LRBA: variants seen among roughly 807,000 people sequenced by gnomAD.
LRBA encodes lipopolysaccharide-responsive and beige-like anchor protein.
In LRBA, 176 loss-of-function variants were observed where a neutral mutation model predicts 330.0. That is an observed-to-expected ratio of 0.53 (90% CI 0.47 to 0.60). The LOEUF (loss-of-function observed/expected upper bound fraction) is 0.60, where lower values mean the gene tolerates loss of function less well. Among genes scored for constraint, LRBA ranks in the 20% least tolerant of loss-of-function variants. The pLI is 0.00. For missense variants in LRBA, 3,259 were observed against 3,444.8 expected (o/e 0.95, Z 1.35); for synonymous variants, 1,230 against 1,193.0 (o/e 1.03, Z -0.64).
rs1328306796 is a variant in LRBA at position 150,809,882 on chromosome 4, TAC to T, written c.5306-1486_5306-1485del. Among the ~76,000 whole-genome samples, 76 of 146,862 alleles carry T rather than the reference TAC, an allele frequency of 5.2e-4. 1 individual carries two copies. The highest frequency in any genetic ancestry group is 6.9e-3 in the Middle Eastern group (2 of 288). ...TACGATACGATACGATACGATACGA[TAC>T]GATACGATACGATACGATACGATAC... On this transcript the variant is annotated intron_variant, in intron 31 of 56. Transcript: ENST00000651943.
At chr4:150,404,121 C>T (rs11729564) in intron 47 of LRBA, among the ~76,000 whole-genome samples, 33,154 of 152,144 alleles carry the variant, frequency 0.22, 4,434 homozygotes, top group Non-Finnish European at 0.31. Flanking sequence ...TGAGCAGCCA[C>T]TGTGCCAAAT....
At chr4:150,599,225 CT>C in intron 37 of LRBA, 94 bp from the exon 38 acceptor site, 80 of 1,350,892 alleles carry the variant, frequency 5.9e-5, no homozygotes, top group South Asian at 8.1e-5. Flanking sequence ...TTTGCTCTGC[CT>C]TTTTTTCCCT....
At chr4:150,480,062 A>G (rs1757128799) in intron 42 of LRBA, among the ~76,000 whole-genome samples, 1 of 152,202 alleles carries the variant, frequency 6.6e-6, no homozygotes, top group Admixed American at 6.5e-5. Context: ...TCCACCACGA[A>G]TATGTTTCAA....
In LRBA at chr4:150,725,434, A is replaced by G. The variant is rs555127328; in HGVS notation, c.5754+9824T>C. Among the ~76,000 whole-genome samples the G allele has an allele frequency of 7.9e-5, 12 of 152,342 alleles. No homozygotes were observed. The South Asian group carries it at 2.5e-3, about 32-fold the overall frequency. On this transcript the variant is annotated intron_variant, in intron 36 of 56. Transcript: ENST00000651943. ...ACAGGCCACAAGAGTGGCAAGACAT[A>G]TTTAAAGTGCTGAAAGAAAAACACT... is the stretch of plus-strand genomic sequence containing the variant.
intron 34 of LRBA, among the ~76,000 whole-genome samples, chr4:150,786,297 C>T (rs1267690696): frequency 6.8e-6 from 1 of 146,704 alleles, no homozygotes; most frequent in Non-Finnish European, 1.5e-5. Context: ...GGCTGGAGTG[C>T]CAATGGCATG....
rs531459261 is a variant in LRBA at position 150,780,904 on chromosome 4, G to A, written c.5580+17177C>T. 1.9e-3 allele frequency among the ~76,000 whole-genome samples: 284 copies of A among 152,010 alleles called. 1 individual carries two copies. Among genetic ancestry groups the A allele is most frequent in the African/African-American group, 6.6e-3 (274 of 41,484 alleles). On this transcript the variant is annotated intron_variant, in intron 34 of 56. Transcript: ENST00000651943. ...TTATTTATTTATTTATTTTGAGACGGAGTCTCGCTCTGTCACCCAGGCTGG... is the reference window on the plus strand; with the variant it reads ...TTATTTATTTATTTATTTTGAGACGAAGTCTCGCTCTGTCACCCAGGCTGG...
rs753085328 is a variant in LRBA, at chr4:150,806,284, A to G, written c.5505T>C (p.Leu1835=). The G allele has an allele frequency of 3.1e-6, 5 of 1,589,488 alleles. No homozygotes were observed. In the South Asian group the frequency reaches 4.7e-5, roughly 15 times the overall value. The part of the protein sequence containing the change: ...TLLGSHGQEL[L]IEGTSLVCMK... ...AAAACCACTTACTTGTTCCTTCTAT[A>G]AGCAGTTCTTGTCCATGGCTACCCA... Residue 1835 remains leucine (L), a synonymous_variant, in exon 33 of 57, where the codon CTT becomes CTC. Coordinates refer to ENST00000651943, the MANE Select transcript of LRBA (RefSeq NM_001364905.1).
chr4:150,346,883 AAGC>A (rs1468074476), intron 48 of LRBA, among the ~76,000 whole-genome samples: 2 of 152,062 alleles, frequency 1.3e-5, no homozygotes, highest in African/African-American at 4.8e-5. Context: ...AAAGAATTGA[AAGC>A]AGGCATTTGA....
rs1730279755 is a variant in LRBA, at chr4:150,897,878, T to C, written c.1925-60A>G. The C allele has an allele frequency of 4.4e-6, 5 of 1,125,912 alleles. No individual in the cohort carries two copies. In the Admixed American group the frequency reaches 5.6e-5, roughly 13 times the overall value. The allele number at this position is 1,125,912 out of a possible 1,614,324, so 69.7% of individuals were successfully genotyped here. A position where few individuals can be genotyped will look rare whatever the true frequency, so the allele number is the denominator to read the frequency against. On this transcript the variant is annotated intron_variant, in intron 14 of 56. Coordinates refer to ENST00000651943, the MANE Select transcript of LRBA (RefSeq NM_001364905.1). ...TTAAAGGACCTCAAAGCTGTCAAAG[T>C]ATAAAATTCTCATTCCCAACAGCTT... is the stretch of plus-strand genomic sequence containing the variant.
At chr4:150,788,272 T>C (rs553830355) in intron 34 of LRBA, among the ~76,000 whole-genome samples, 24 of 132,440 alleles carry the variant, frequency 1.8e-4, no homozygotes, top group African/African-American at 6.5e-4. Flanking sequence ...TTTTTTTTGG[T>C]ATTTTTAGTA....
At chr4:150,760,336 A>G (rs1172879420) in intron 35 of LRBA, among the ~76,000 whole-genome samples, 1 of 152,168 alleles carries the variant, frequency 6.6e-6, no homozygotes, top group Non-Finnish European at 1.5e-5. Flanking sequence ...GCCACACTCT[A>G]CATGAAAATG....
chr4:150,842,390 G>A (rs947364293), intron 28 of LRBA, among the ~76,000 whole-genome samples: 12 of 152,044 alleles, frequency 7.9e-5, no homozygotes, highest in African/African-American at 2.7e-4. Context: ...AGGCTCAAGC[G>A]ATCCTCCCCA....
intron 28 of LRBA, among the ~76,000 whole-genome samples, chr4:150,842,706 A>C (rs1248197979): frequency 1.3e-5 from 2 of 152,224 alleles, no homozygotes; most frequent in Non-Finnish European, 2.9e-5. Context: ...AAATTTCAAG[A>C]ATCAGATTCC....
chr4:150,359,990 G>T (rs1034204674), intron 47 of LRBA, among the ~76,000 whole-genome samples: 46 of 130,950 alleles, frequency 3.5e-4, no homozygotes, highest in Middle Eastern at 3.8e-3. Flanking sequence ...AAAAAAAAAA[G>T]AAAAAAAGAA....
intron 36 of LRBA, among the ~76,000 whole-genome samples, chr4:150,708,847 A>G (rs1785901915): frequency 6.6e-6 from 1 of 151,858 alleles, no homozygotes; most frequent in African/African-American, 2.4e-5. Context: ...TGGGGTATAC[A>G]TAGATCATTG....
At chr4:150,559,334 G>A (rs536166155) in intron 40 of LRBA, among the ~76,000 whole-genome samples, 4 of 151,288 alleles carry the variant, frequency 2.6e-5, no homozygotes, top group South Asian at 2.1e-4. Flanking sequence ...AGGCCAAGGC[G>A]GGTGGATCAT....
intron 4 of LRBA, among the ~76,000 whole-genome samples, chr4:150,921,738 TC>T (rs1733299777): frequency 6.6e-6 from 1 of 151,974 alleles, no homozygotes; most frequent in Non-Finnish European, 1.5e-5. Flanking sequence ...AATTTTTTTT[TC>T]TTTCGAGATG....
chr4:150,345,184 T>C (rs1420342607), intron 48 of LRBA, among the ~76,000 whole-genome samples: 1 of 152,238 alleles, frequency 6.6e-6, no homozygotes, highest in Non-Finnish European at 1.5e-5. Context: ...TATCAGATTA[T>C]ATTATAATTG....
chr4:150,562,959 C>A (rs758461955), intron 40 of LRBA, among the ~76,000 whole-genome samples: 2 of 152,032 alleles, frequency 1.3e-5, no homozygotes, highest in Non-Finnish European at 2.9e-5. Flanking sequence ...ACTACCACAC[C>A]CAGCTAATTT....
Sources: allele counts gnomAD v4.1 joint callset (sites outside exome capture counted in the v4.1 genomes callset), GRCh38; gene constraint gnomAD v4.1.1; transcripts MANE v1.5; gene names NCBI Gene and HGNC (gene_info 2026-07-23, HGNC 2026-07-21).